Variants in TENM1 observed in about 807,000 individuals in gnomAD.
The protein encoded by TENM1 is teneurin transmembrane protein 1.
TENM1 carries 35 observed loss-of-function variants against 174.8 expected under a neutral mutation model. The ratio of observed to expected loss-of-function variants is 0.20; its 90% CI spans 0.15 to 0.27. TENM1 has a LOEUF of 0.27. Ranked by LOEUF, TENM1 falls within the 10% of genes least tolerant of loss-of-function variation. The probability of loss-of-function intolerance (pLI) is 1.00; values close to 1 mark genes in which losing one functional copy is unlikely to be tolerated. For synonymous variants in TENM1, 781 were observed against 798.7 expected (o/e 0.98, Z 0.37); for missense variants, 1,633 against 2,130.1 (o/e 0.77, Z 4.59).
chrX:125,186,533 T>C, the TENM1 span, among the ~76,000 whole-genome samples: 20 of 108,403 alleles, frequency 1.8e-4, no homozygotes, highest in African/African-American at 6.1e-4. Context: ...GCCCTTATCA[T>C]GCAAGTAAGT....
intron 23 of TENM1, among the ~76,000 whole-genome samples, chrX:124,446,598 A>G (rs2060967551): frequency 8.9e-6 from 1 of 112,634 alleles, no homozygotes; most frequent in African/African-American, 3.2e-5. Flanking sequence ...CTCTCATATC[A>G]CTTTCTAACC....
exon 24 of TENM1, chrX:124,422,522 T>G: frequency 8.3e-7 from 1 of 1,211,500 alleles, no homozygotes; most frequent in Non-Finnish European, 1.1e-6. Flanking sequence ...TGGGGCGTCC[T>G]GCGATGATCC....
At position 124,529,983 on chromosome X, in the gene TENM1, C is replaced by T. The variant is rs1372803669; in HGVS notation, c.2652G>A (p.Arg884=). ...CTTGGCCTCGAATCACACAGGCACG[C>T]CTGCAACACAAGACCAAAGGCAAAC... Residue 884 remains arginine (R), a splice_region_variant and synonymous_variant, in exon 16 of 32, where the codon AGG becomes AGA. Transcript: ENST00000422452. 6 of 1,206,454 alleles carry T rather than the reference C, an allele frequency of 5.0e-6. No homozygotes were observed. The East Asian group carries it at 1.8e-4, about 36-fold the overall frequency.
At chrX:124,843,484 C>A (rs1464259302) in intron 3 of TENM1, among the ~76,000 whole-genome samples, 1 of 111,158 alleles carries the variant, frequency 9.0e-6, no homozygotes, top group South Asian at 3.8e-4. Flanking sequence ...GCCTCCCCCC[C>A]TCCCTACTCC....
the TENM1 span, among the ~76,000 whole-genome samples, chrX:125,115,521 G>A: frequency 1.8e-5 from 2 of 111,639 alleles, no homozygotes; most frequent in Non-Finnish European, 3.8e-5. Flanking sequence ...TCCTTAAGCT[G>A]ATGAGCAACT....
chrX:124,487,568 C>T (rs1348718144), intron 20 of TENM1, among the ~76,000 whole-genome samples: 2 of 111,926 alleles, frequency 1.8e-5, no homozygotes, highest in African/African-American at 6.5e-5. Flanking sequence ...CTCCCTAGCC[C>T]TACTGAATCA....
intron 3 of TENM1, among the ~76,000 whole-genome samples, chrX:124,753,932 A>T: frequency 9.0e-6 from 1 of 111,592 alleles, no homozygotes; most frequent in East Asian, 2.8e-4. Context: ...TTCATCAAGG[A>T]TATTGGTCTA....
chrX:124,761,736 G>A (rs1278788366), intron 3 of TENM1, among the ~76,000 whole-genome samples: 1 of 111,366 alleles, frequency 9.0e-6, no homozygotes, highest in Non-Finnish European at 1.9e-5. Flanking sequence ...TATTTCCATT[G>A]TTTTGTAGCA....
intron 3 of TENM1, among the ~76,000 whole-genome samples, chrX:124,894,060 C>T (rs1273091617): frequency 8.1e-5 from 9 of 111,750 alleles, no homozygotes; most frequent in Non-Finnish European, 1.7e-4. Flanking sequence ...TACCTGGAAT[C>T]CTGTTTTATC....
chrX:125,056,775 C>G, the TENM1 span, among the ~76,000 whole-genome samples: 13 of 111,971 alleles, frequency 1.2e-4, no homozygotes, highest in African/African-American at 3.9e-4. Flanking sequence ...AACATACAAA[C>G]AATGCTGTCA....
chrX:124,876,192 T>C (rs2147496810), intron 3 of TENM1, among the ~76,000 whole-genome samples: 1 of 111,495 alleles, frequency 9.0e-6, no homozygotes, highest in Admixed American at 9.6e-5. Flanking sequence ...TTAAACTCAA[T>C]ATTTGTAAAA....
the TENM1 span, among the ~76,000 whole-genome samples, chrX:125,001,006 A>T: frequency 1.8e-5 from 2 of 110,242 alleles, no homozygotes; most frequent in Non-Finnish European, 3.8e-5. Context: ...CTCATAATAA[A>T]CCTGCCAAGG....
intron 11 of TENM1, among the ~76,000 whole-genome samples, chrX:124,620,664 T>C (rs762415453): frequency 5.4e-5 from 6 of 112,097 alleles, no homozygotes; most frequent in Non-Finnish European, 9.4e-5. Flanking sequence ...AATAACCAAA[T>C]TGCCAAACTT....
chrX:125,149,135 T>G, the TENM1 span, among the ~76,000 whole-genome samples: 4 of 76,033 alleles, frequency 5.3e-5, no homozygotes, highest in South Asian at 3.7e-3. Context: ...CTAGCCACAC[T>G]GGAACATATG....
intron 3 of TENM1, among the ~76,000 whole-genome samples, chrX:124,888,419 G>A (rs999402439): frequency 9.0e-6 from 1 of 111,716 alleles, no homozygotes; most frequent in Admixed American, 9.5e-5. Context: ...CAATGACAAC[G>A]GGAAATACAA....
chrX:125,116,809 A>T, the TENM1 span, among the ~76,000 whole-genome samples: 2 of 111,466 alleles, frequency 1.8e-5, no homozygotes, highest in Admixed American at 1.9e-4. Flanking sequence ...CAGGAGTTCA[A>T]GACCAGTCTG....
chrX:125,159,489 C>T, the TENM1 span, among the ~76,000 whole-genome samples: 1 of 111,900 alleles, frequency 8.9e-6, no homozygotes, highest in Non-Finnish European at 1.9e-5. Context: ...TCACAGTAAC[C>T]AATAGATCAG....
the TENM1 span, among the ~76,000 whole-genome samples, chrX:125,197,150 G>A: frequency 6.3e-5 from 7 of 111,521 alleles, no homozygotes; most frequent in African/African-American, 9.8e-5. Flanking sequence ...TGATAGCCAC[G>A]TACTTTTATT....
chrX:124,978,031 CCT>C, the TENM1 span, among the ~76,000 whole-genome samples: 1 of 71,192 alleles, frequency 1.4e-5, no homozygotes. Context: ...AGATCTTTTT[CCT>C]CTCTGTTTTT....
Sources: gnomAD v4.1 joint callset for allele counts (sites outside exome capture counted in the v4.1 genomes callset) on GRCh38, gnomAD v4.1.1 for gene constraint, MANE v1.5 for transcripts, NCBI Gene and HGNC (gene_info 2026-07-23, HGNC 2026-07-21) for gene names.